PDE8A: variants seen among roughly 807,000 people sequenced by gnomAD.
PDE8A encodes phosphodiesterase 8A.
PDE8A carries 59 observed loss-of-function variants against 105.0 expected under a neutral mutation model. That is an observed-to-expected ratio of 0.56 (90% CI 0.46 to 0.70). The LOEUF (loss-of-function observed/expected upper bound fraction) is 0.70, where lower values mean the gene tolerates loss of function less well. Ranked by LOEUF, PDE8A falls within the 30% of genes least tolerant of loss-of-function variation. The pLI, the probability that PDE8A is intolerant of heterozygous loss-of-function variation, is 0.00. For missense variants in PDE8A, 1,014 were observed against 1,045.9 expected, an observed-to-expected ratio of 0.97 and a Z score of 0.42; for synonymous variants, 355 against 371.9, an observed-to-expected ratio of 0.95 and a Z score of 0.52.
At chr15:85,042,980 A>G (rs2080833952) in intron 1 of PDE8A, among the ~76,000 whole-genome samples, 1 of 152,080 alleles carries the variant, frequency 6.6e-6, no homozygotes, top group African/African-American at 2.4e-5. Context: ...ATCTCCTTAA[A>G]TCTCATTAAA....
chr15:85,060,497 TGTATTAG>T (rs1382954786), intron 1 of PDE8A, among the ~76,000 whole-genome samples: 2 of 152,208 alleles, frequency 1.3e-5, no homozygotes, highest in Non-Finnish European at 2.9e-5. Flanking sequence ...AGCATTACAT[TGTATTAG>T]GTATTATAAG....
rs1332856481 is a variant in PDE8A at position 85,026,769 on chromosome 15, C to CAAAAA, written c.187-37599_187-37595dup. Among the ~76,000 whole-genome samples the CAAAAA allele has an allele frequency of 2.6e-5, 4 of 151,672 alleles. No homozygotes were observed. The East Asian group carries it at 5.8e-4, about 22-fold the overall frequency. ...ATTCCAGCCTGGCCCTGTCTCAAAACAAAAAACAAAACAAAACAAAAAAAC... is the reference window on the plus strand; with the variant it reads ...ATTCCAGCCTGGCCCTGTCTCAAAACAAAAAAAAAAACAAAACAAAACAAAAAAAC... On this transcript the variant is annotated intron_variant, in intron 1 of 21. Coordinates refer to ENST00000394553, the MANE Select transcript of PDE8A (RefSeq NM_002605.3).
intron 1 of PDE8A, among the ~76,000 whole-genome samples, chr15:85,042,265 C>G (rs958560455): frequency 1.3e-5 from 2 of 152,098 alleles, no homozygotes; most frequent in African/African-American, 2.4e-5. Flanking sequence ...CAGCCTCAAA[C>G]TCCTTGGCTC....
chr15:85,135,035 A>T (rs1406623236), intron 20 of PDE8A, among the ~76,000 whole-genome samples: 1 of 152,242 alleles, frequency 6.6e-6, no homozygotes, highest in Admixed American at 6.5e-5. Context: ...GAACTTTCTG[A>T]CCTGGCATCC....
chr15:85,006,560 T>C (rs1022851201), intron 1 of PDE8A, among the ~76,000 whole-genome samples: 5 of 152,370 alleles, frequency 3.3e-5, no homozygotes, highest in African/African-American at 7.2e-5. Flanking sequence ...TTTGTCCATA[T>C]GTTTATCAAC....
At chr15:85,090,122 G>T (rs1209339716) in intron 7 of PDE8A, among the ~76,000 whole-genome samples, 1 of 152,170 alleles carries the variant, frequency 6.6e-6, no homozygotes, top group Non-Finnish European at 1.5e-5. Flanking sequence ...TTGAGTTGGT[G>T]CCCTGAGAGG....
chr15:85,092,920 C>CTT (rs5814181), intron 8 of PDE8A, among the ~76,000 whole-genome samples: 1 of 132,030 alleles, frequency 7.6e-6, no homozygotes, highest in Non-Finnish European at 1.6e-5. Context: ...TACTGCTTTC[C>CTT]TTTTTTTTTT....
chr15:84,985,939 A>G (rs1163517844), intron 1 of PDE8A, among the ~76,000 whole-genome samples: 3 of 152,164 alleles, frequency 2.0e-5, no homozygotes, highest in African/African-American at 7.2e-5. Context: ...AGAAAGATTA[A>G]AGAGGCTGGG....
At chr15:84,981,596 C>T (rs1336481196), upstream of PDE8A, among the ~76,000 whole-genome samples, 2 of 152,022 alleles carry the variant, frequency 1.3e-5, no homozygotes, top group Non-Finnish European at 2.9e-5. Flanking sequence ...TTGTACCCCA[C>T]CGGCACTCGG....
At chr15:85,028,307 T>C (rs1213405592) in intron 1 of PDE8A, among the ~76,000 whole-genome samples, 2 of 152,144 alleles carry the variant, frequency 1.3e-5, no homozygotes, top group African/African-American at 4.8e-5. Context: ...CTGGAACTCC[T>C]GGGCTCAAAT....
chr15:85,016,852 C>T (rs1477582444), intron 1 of PDE8A, among the ~76,000 whole-genome samples: 1 of 151,436 alleles, frequency 6.6e-6, no homozygotes, highest in African/African-American at 2.4e-5. Context: ...TATGACTCTC[C>T]TCATAGAGTT....
At chr15:85,065,166 ATAAAAAG>A (rs2141453657) in intron 2 of PDE8A, among the ~76,000 whole-genome samples, 1 of 152,234 alleles carries the variant, frequency 6.6e-6, no homozygotes, top group Non-Finnish European at 1.5e-5. Flanking sequence ...ATTTTCCAAT[ATAAAAAG>A]TAAAAAGATT....
chr15:85,072,189 A>G (rs746916945), intron 3 of PDE8A, among the ~76,000 whole-genome samples: 1 of 152,238 alleles, frequency 6.6e-6, no homozygotes, highest in Non-Finnish European at 1.5e-5. Flanking sequence ...TCTGAAACTC[A>G]TTCCACATGG....
At chr15:85,006,470 C>G (rs1052929902) in intron 1 of PDE8A, among the ~76,000 whole-genome samples, 1 of 152,086 alleles carries the variant, frequency 6.6e-6, no homozygotes, top group Non-Finnish European at 1.5e-5. Context: ...ATTTAGTCTA[C>G]CTGGAAGAAT....
chr15:85,134,936 A>G (rs1008156620), intron 20 of PDE8A, among the ~76,000 whole-genome samples: 3 of 152,180 alleles, frequency 2.0e-5, no homozygotes, highest in Admixed American at 6.5e-5. Flanking sequence ...AAAAAAGGCA[A>G]TGGAGTCAGC....
chr15:85,039,893 T>G (rs1322718903), intron 1 of PDE8A, among the ~76,000 whole-genome samples: 1 of 152,038 alleles, frequency 6.6e-6, no homozygotes. Context: ...AAAGTTGAAC[T>G]TAGAAGTAAA....
intron 1 of PDE8A, among the ~76,000 whole-genome samples, chr15:84,993,255 A>G (rs1011279586): frequency 3.3e-5 from 5 of 151,588 alleles, no homozygotes; most frequent in Non-Finnish European, 5.9e-5. Context: ...CATCCTGGCT[A>G]ACACGGTGAA....
intron 1 of PDE8A, among the ~76,000 whole-genome samples, chr15:85,030,268 C>T (rs2080591876): frequency 6.6e-6 from 1 of 151,848 alleles, no homozygotes. Flanking sequence ...TGTGGAATAT[C>T]TTCAGTTCCT....
intron 1 of PDE8A, among the ~76,000 whole-genome samples, chr15:84,986,640 TCTTG>T (rs1375070313): frequency 5.9e-5 from 9 of 151,572 alleles, no homozygotes; most frequent in Non-Finnish European, 1.0e-4. Context: ...TAAGACAGCG[TCTTG>T]CTTTGTTACC....
Sources: gnomAD v4.1 joint callset for allele counts (sites outside exome capture counted in the v4.1 genomes callset) on GRCh38, gnomAD v4.1.1 for gene constraint, MANE v1.5 for transcripts, NCBI Gene and HGNC (gene_info 2026-07-23, HGNC 2026-07-21) for gene names.